PDE4B: variants seen among roughly 807,000 people sequenced by gnomAD.
PDE4B encodes the protein 3',5'-cyclic-AMP phosphodiesterase 4B.
A neutral mutation model predicts 82.2 loss-of-function variants in PDE4B; 20 were observed. The observed-to-expected ratio is 0.24, with a 90% confidence interval of 0.17 to 0.35. The LOEUF (loss-of-function observed/expected upper bound fraction) is 0.35. Ranked by LOEUF, PDE4B falls within the 10% of genes least tolerant of loss-of-function variation. The pLI is 1.00. For missense variants in PDE4B, 655 were observed against 907.2 expected (o/e 0.72, Z 3.57); for synonymous variants, 320 against 318.9 (o/e 1.00, Z -0.04).
intron 1 of PDE4B, among the ~76,000 whole-genome samples, chr1:65,845,815 G>A (rs992637011): frequency 1.3e-5 from 2 of 152,084 alleles, no homozygotes; most frequent in African/African-American, 2.4e-5. Context: ...TTTTTCTTAA[G>A]TTCTGCATCT....
At chr1:65,919,052 C>G (rs1313859806) in intron 3 of PDE4B, among the ~76,000 whole-genome samples, 1 of 152,066 alleles carries the variant, frequency 6.6e-6, no homozygotes, top group African/African-American at 2.4e-5. Context: ...TCATTTAAAG[C>G]TACTGAGGAA....
intron 1 of PDE4B, among the ~76,000 whole-genome samples, chr1:65,880,474 CCT>C (rs1646696567): frequency 6.6e-6 from 1 of 152,140 alleles, no homozygotes; most frequent in Non-Finnish European, 1.5e-5. Context: ...ATGCTGAAAT[CCT>C]AATCCTCAAG....
At chr1:66,094,878 T>C (rs564206640) in intron 3 of PDE4B, among the ~76,000 whole-genome samples, 2 of 151,964 alleles carry the variant, frequency 1.3e-5, no homozygotes, top group African/African-American at 4.8e-5. Context: ...AACTGAGGAA[T>C]ATAGGGGTTA....
chr1:65,913,259 C>G lies in PDE4B; in HGVS notation c.-56C>G. On this transcript the variant is annotated 5_prime_UTR_variant, in exon 2 of 17. Coordinates refer to ENST00000341517, the MANE Select transcript of PDE4B (RefSeq NM_002600.4). ...TTCTCCTGTAGGTATTAAAAAGTGT[C>G]AGCAAACTGCATTGAATAACAGACA... 1 of 1,517,856 alleles carries G rather than the reference C, an allele frequency of 6.6e-7. No individual in the cohort carries two copies. The highest frequency in any genetic ancestry group is 1.4e-5 in the African/African-American group (1 of 73,084). 94.0% of individuals were successfully genotyped at this position (1,517,856 alleles called of 1,614,324 possible).
chr1:66,280,527 T>A (rs1254054535), intron 7 of PDE4B, among the ~76,000 whole-genome samples: 1 of 152,234 alleles, frequency 6.6e-6, no homozygotes, highest in African/African-American at 2.4e-5. Context: ...TTTATGTACA[T>A]TTCCACAGAG....
At chr1:66,354,530 A>T (rs1257709920) in intron 8 of PDE4B, 1 of 1,125,262 alleles carries the variant, frequency 8.9e-7, no homozygotes, top group Non-Finnish European at 1.1e-6. Context: ...GGCTATTCAT[A>T]ATTCATAAGT....
At chr1:66,322,690 A>G (rs2101894612) in intron 7 of PDE4B, among the ~76,000 whole-genome samples, 1 of 151,838 alleles carries the variant, frequency 6.6e-6, no homozygotes, top group East Asian at 1.9e-4. Flanking sequence ...GAGAAATAGG[A>G]ACGCAAAAAA....
At chr1:66,133,053 A>G (rs1055252406) in intron 3 of PDE4B, among the ~76,000 whole-genome samples, 1 of 152,184 alleles carries the variant, frequency 6.6e-6, no homozygotes, top group African/African-American at 2.4e-5. Flanking sequence ...CATCAAGGAC[A>G]AGGAACCCCA....
chr1:66,187,133 G>A (rs1303755362), intron 3 of PDE4B, among the ~76,000 whole-genome samples: 12 of 152,242 alleles, frequency 7.9e-5, no homozygotes, highest in Admixed American at 2.0e-4. Flanking sequence ...GCTGGATTAC[G>A]TTTATTGATT....
intron 3 of PDE4B, among the ~76,000 whole-genome samples, chr1:66,053,715 C>G (rs937384071): frequency 1.3e-5 from 2 of 151,808 alleles, no homozygotes; most frequent in Non-Finnish European, 2.9e-5. Flanking sequence ...AAAAATTGGC[C>G]GGGGGTGGTG....
At chr1:66,296,171 T>C (rs1356048200) in intron 7 of PDE4B, among the ~76,000 whole-genome samples, 1 of 152,166 alleles carries the variant, frequency 6.6e-6, no homozygotes, top group Non-Finnish European at 1.5e-5. Flanking sequence ...GACCCATTTA[T>C]ATGTTTTTCT....
chr1:65,890,377 A>C (rs763066026), intron 1 of PDE4B, among the ~76,000 whole-genome samples: 5 of 152,058 alleles, frequency 3.3e-5, no homozygotes, highest in Non-Finnish European at 5.9e-5. Flanking sequence ...TTCCCCTAGA[A>C]ACTGGGGAAT....
chr1:66,091,164 C>A (rs560600859), intron 3 of PDE4B, among the ~76,000 whole-genome samples: 70 of 152,024 alleles, frequency 4.6e-4, no homozygotes, highest in Non-Finnish European at 7.4e-4. Flanking sequence ...TAACGAGACA[C>A]CCTAGGTTTA....
At chr1:66,193,207 A>G (rs950913780) in intron 3 of PDE4B, among the ~76,000 whole-genome samples, 1 of 152,202 alleles carries the variant, frequency 6.6e-6, no homozygotes, top group Non-Finnish European at 1.5e-5. Context: ...AAACATCTGG[A>G]TATATTTTGA....
intron 3 of PDE4B, among the ~76,000 whole-genome samples, chr1:66,169,674 A>G (rs1368212716): frequency 6.6e-6 from 1 of 152,216 alleles, no homozygotes; most frequent in African/African-American, 2.4e-5. Context: ...GATTAATCAG[A>G]TCACTGTGAA....
At chr1:65,853,282 C>G (rs907360176) in intron 1 of PDE4B, among the ~76,000 whole-genome samples, 8 of 151,892 alleles carry the variant, frequency 5.3e-5, no homozygotes, top group African/African-American at 1.5e-4. Context: ...AAGTGGGTTT[C>G]TTGTAGACAG....
At chr1:65,851,993 A>G (rs988146317) in intron 1 of PDE4B, among the ~76,000 whole-genome samples, 20 of 151,992 alleles carry the variant, frequency 1.3e-4, no homozygotes, top group Middle Eastern at 6.3e-3. Flanking sequence ...ATGTGTTTTA[A>G]TATGTTAATG....
chr1:66,086,157 C>T (rs554845430), intron 3 of PDE4B, among the ~76,000 whole-genome samples: 2 of 152,142 alleles, frequency 1.3e-5, no homozygotes, highest in South Asian at 2.1e-4. Context: ...GAATTATCAC[C>T]AGGGTAATGA....
intron 3 of PDE4B, among the ~76,000 whole-genome samples, chr1:66,220,548 T>C (rs1650896462): frequency 6.6e-6 from 1 of 152,146 alleles, no homozygotes; most frequent in South Asian, 2.1e-4. Context: ...CAGTGGAGCC[T>C]TTTGCATTAT....
Sources: gnomAD v4.1 joint callset for allele counts (sites outside exome capture counted in the v4.1 genomes callset) on GRCh38, gnomAD v4.1.1 for gene constraint, MANE v1.5 for transcripts, NCBI Gene and HGNC (gene_info 2026-07-23, HGNC 2026-07-21) for gene names.